The following IFT81 variants were observed in gnomAD, a reference collection of about 807,000 sequenced individuals.
IFT81 encodes the protein intraflagellar transport protein 81 homolog.
Under a neutral mutation model 102.6 loss-of-function variants are expected in IFT81, and 72 were observed. The observed-to-expected ratio is 0.70, with a 90% CI of 0.58 to 0.85. The LOEUF (loss-of-function observed/expected upper bound fraction) is 0.85. IFT81 is among the 40% of genes least tolerant of loss of function. The pLI is 0.00. For synonymous variants in IFT81, 237 were observed against 242.7 expected (o/e 0.98, Z 0.22); for missense variants, 723 against 787.3 (o/e 0.92, Z 0.98).
intron 18 of IFT81, among the ~76,000 whole-genome samples, chr12:110,217,478 C>A (rs185597556): frequency 6.6e-6 from 1 of 152,272 alleles, no homozygotes; most frequent in African/African-American, 2.4e-5. Context: ...CTTTTCACAC[C>A]ATGATACTGT....
At chr12:110,182,081 C>T (rs1897328905) in intron 12 of IFT81, among the ~76,000 whole-genome samples, 1 of 152,156 alleles carries the variant, frequency 6.6e-6, no homozygotes, top group South Asian at 2.1e-4. Context: ...AGACACCTCC[C>T]ATTTCGCTGA....
At position 110,135,323 on chromosome 12, in the gene IFT81, G is replaced by A. The variant is rs1205375356; in HGVS notation, c.586-4G>A. 2 of 1,584,074 alleles carry A rather than the reference G, an allele frequency of 1.3e-6. No homozygotes were observed. Among genetic ancestry groups the A allele is most frequent in the Non-Finnish European group, 8.6e-7 (1 of 1,161,842 alleles). ...AACATGTACTACTTATTCCCTTACTGTAGGTTGAGACAGCTCAGAATCATC... is the reference window on the plus strand; with the variant it reads ...AACATGTACTACTTATTCCCTTACTATAGGTTGAGACAGCTCAGAATCATC... On this transcript the variant is annotated splice_polypyrimidine_tract_variant and splice_region_variant and intron_variant, in intron 6 of 18. Transcript: ENST00000242591.
intron 18 of IFT81, among the ~76,000 whole-genome samples, chr12:110,210,611 C>T (rs1362919582): frequency 6.6e-6 from 1 of 151,286 alleles, no homozygotes; most frequent in Non-Finnish European, 1.5e-5. Flanking sequence ...AGGTGGCATG[C>T]ACCTGTAGTT....
At chr12:110,165,011 G>A (rs532732034) in intron 11 of IFT81, among the ~76,000 whole-genome samples, 1 of 151,962 alleles carries the variant, frequency 6.6e-6, no homozygotes, top group Non-Finnish European at 1.5e-5. Context: ...CAAATGTGAG[G>A]GAAAAAACCT....
chr12:110,150,316 G>A (rs1342841349), intron 10 of IFT81, among the ~76,000 whole-genome samples: 1 of 152,052 alleles, frequency 6.6e-6, no homozygotes, highest in East Asian at 1.9e-4. Context: ...ATGTTGGTCA[G>A]GCTGGTCTTG....
chr12:110,139,837 TAAAATAAAATAAATA>T (rs956236576), intron 8 of IFT81, among the ~76,000 whole-genome samples: 4 of 119,050 alleles, frequency 3.4e-5, no homozygotes, highest in African/African-American at 1.4e-4. Flanking sequence ...TAAAATAAAA[TAAAATAAAATAAATA>T]AAATAAAATA....
chr12:110,140,670 T>A (rs1894834706), intron 8 of IFT81, among the ~76,000 whole-genome samples: 1 of 152,124 alleles, frequency 6.6e-6, no homozygotes, highest in Non-Finnish European at 1.5e-5. Context: ...GAAAACCACA[T>A]AGGAATGACT....
At chr12:110,160,129 GT>G (rs1259723471) in intron 10 of IFT81, among the ~76,000 whole-genome samples, 16 of 152,230 alleles carry the variant, frequency 1.1e-4, no homozygotes, top group African/African-American at 3.9e-4. Flanking sequence ...ATTAGTCAGG[GT>G]TATCCTAATC....
At chr12:110,149,831 C>T (rs1009998116) in intron 10 of IFT81, among the ~76,000 whole-genome samples, 9 of 152,112 alleles carry the variant, frequency 5.9e-5, no homozygotes, top group Non-Finnish European at 1.2e-4. Flanking sequence ...TCTTGATGTC[C>T]GGCCACTTGT....
intron 8 of IFT81, among the ~76,000 whole-genome samples, chr12:110,137,907 A>G (rs1055446760): frequency 5.9e-5 from 9 of 152,252 alleles, no homozygotes; most frequent in Admixed American, 5.2e-4. Context: ...GTAGAATAAC[A>G]GTGCTAATGA....
chr12:110,168,179 T>TA (rs1435687909), intron 11 of IFT81: 1 of 152,646 alleles, frequency 6.6e-6, no homozygotes, highest in Non-Finnish European at 1.5e-5. Flanking sequence ...ACCCAGTTTT[T>TA]ACAGATAAAG....
chr12:110,128,941 C>G lies in IFT81; in HGVS notation c.249-9C>G. ...CGTGTGTGTTTGTGTATGTGTGTTT[C>G]TCTCTTAGGAGTACTTTTCGTCAGG... On this transcript the variant is annotated splice_polypyrimidine_tract_variant and intron_variant, in intron 3 of 18. Transcript: ENST00000242591. 6.2e-7 allele frequency: 1 copy of G among 1,609,620 alleles called. No homozygotes were observed. The highest frequency in any genetic ancestry group is 8.5e-7 in the Non-Finnish European group (1 of 1,177,566).
chr12:110,211,293 G>A (rs913991545), intron 18 of IFT81, among the ~76,000 whole-genome samples: 3 of 150,902 alleles, frequency 2.0e-5, no homozygotes, highest in East Asian at 2.0e-4. Flanking sequence ...AGGCTCAAGC[G>A]ATCCTCCCGC....
At chr12:110,145,798 ATTTTG>A (rs147861077) in intron 9 of IFT81, among the ~76,000 whole-genome samples, 64,344 of 149,472 alleles carry the variant, frequency 0.43, 15,071 homozygotes, top group African/African-American at 0.61. Context: ...TCTGGCTAAA[ATTTTG>A]TTTTGTTTTG....
chr12:110,154,793 C>G (rs1245784206), intron 10 of IFT81, among the ~76,000 whole-genome samples: 1 of 151,558 alleles, frequency 6.6e-6, no homozygotes, highest in Non-Finnish European at 1.5e-5. Context: ...TCTATTGAAA[C>G]TTTTTTTTGG....
At chr12:110,209,646 G>A (rs1217858531) in intron 18 of IFT81, among the ~76,000 whole-genome samples, 1 of 151,822 alleles carries the variant, frequency 6.6e-6, no homozygotes, top group Non-Finnish European at 1.5e-5. Flanking sequence ...GCAGGCGCCT[G>A]TAATCCCAGC....
chr12:110,202,779 C>T (rs558999611), intron 14 of IFT81, among the ~76,000 whole-genome samples: 9 of 152,178 alleles, frequency 5.9e-5, no homozygotes, highest in African/African-American at 2.2e-4. Flanking sequence ...GCAGTATAAT[C>T]TTTGGCAAGG....
chr12:110,176,943 C>T (rs1897059995), intron 11 of IFT81, among the ~76,000 whole-genome samples: 1 of 152,164 alleles, frequency 6.6e-6, no homozygotes, highest in African/African-American at 2.4e-5. Flanking sequence ...AGCAGATGAA[C>T]AGGGTTGATT....
intron 3 of IFT81, 67 bp from the exon 4 acceptor site, chr12:110,128,883 A>C: frequency 8.2e-7 from 1 of 1,221,090 alleles, no homozygotes; most frequent in Non-Finnish European, 1.2e-6. Flanking sequence ...TTTTGAGAAA[A>C]TGCTGTCTCT....
Sources: allele counts gnomAD v4.1 joint callset (sites outside exome capture counted in the v4.1 genomes callset), GRCh38; gene constraint gnomAD v4.1.1; transcripts MANE v1.5; gene names NCBI Gene and HGNC (gene_info 2026-07-23, HGNC 2026-07-21).